Variants in IL20RA observed in about 807,000 individuals in gnomAD.
IL20RA encodes interleukin-20 receptor subunit alpha.
A neutral mutation model predicts 36.5 loss-of-function variants in IL20RA; 29 were observed. The observed-to-expected ratio is 0.79, with a 90% CI of 0.59 to 1.08. The LOEUF (loss-of-function observed/expected upper bound fraction) is 1.08. Among genes scored for constraint, IL20RA ranks in the 50% least tolerant of loss-of-function variants. The probability of loss-of-function intolerance (pLI) is 0.00; values close to 1 mark genes in which losing one functional copy is unlikely to be tolerated. For synonymous variants in IL20RA, 279 were observed against 267.1 expected (o/e 1.04, Z -0.43); for missense variants, 652 against 668.4 (o/e 0.98, Z 0.27).
chr6:137,012,235 G>A (rs868305801), intron 2 of IL20RA, among the ~76,000 whole-genome samples: 2 of 152,156 alleles, frequency 1.3e-5, no homozygotes, highest in Admixed American at 6.5e-5. Flanking sequence ...GATGTAGGTC[G>A]CTTGGACAAG....
intron 1 of IL20RA, among the ~76,000 whole-genome samples, chr6:137,032,371 G>C (rs958809563): frequency 5.3e-5 from 8 of 152,186 alleles, no homozygotes; most frequent in African/African-American, 1.9e-4. Flanking sequence ...CCAGGCAGTG[G>C]TCATCTCTGG....
Position 137,031,442 on chromosome 6 carries a change from A to G in IL20RA, c.88+13199T>C, listed in dbSNP as rs1459189336. ...GCTGGTCCCATAAGATGATGTATAT[A>G]TAAGATGTGTATCTATTTTTAGATA... On this transcript the variant is annotated intron_variant, in intron 1 of 6. Coordinates refer to ENST00000316649, the MANE Select transcript of IL20RA (RefSeq NM_014432.4). Among the ~76,000 whole-genome samples the G allele has an allele frequency of 2.0e-5, 3 of 152,360 alleles. No homozygotes were observed. The East Asian group carries it at 5.8e-4, about 29-fold the overall frequency.
chr6:137,027,674 C>T (rs372469271), intron 1 of IL20RA, among the ~76,000 whole-genome samples: 4 of 152,196 alleles, frequency 2.6e-5, no homozygotes, highest in South Asian at 4.1e-4. Flanking sequence ...GAACAGTGCC[C>T]GGCACAAAGA....
At chr6:137,037,424 C>T (rs1310161949) in intron 1 of IL20RA, among the ~76,000 whole-genome samples, 1 of 152,220 alleles carries the variant, frequency 6.6e-6, no homozygotes, top group African/African-American at 2.4e-5. Context: ...CTATGCCATA[C>T]TTTCATTCCC....
Position 137,037,519 on chromosome 6 carries a change from G to T in IL20RA, c.88+7122C>A, listed in dbSNP as rs571197707. ...ATATGAAATTCTGAGTTTGAATGAG[G>T]GTCTGTGTCTCATAGATGACAACAA... On this transcript the variant is annotated intron_variant, in intron 1 of 6. Coordinates refer to ENST00000316649, the MANE Select transcript of IL20RA (RefSeq NM_014432.4). Among the ~76,000 whole-genome samples the T allele has an allele frequency of 2.0e-5, 3 of 152,228 alleles. No homozygotes were observed. In the East Asian group the frequency reaches 5.8e-4, roughly 29 times the overall value.
chr6:137,036,102 C>A (rs569329035), intron 1 of IL20RA, among the ~76,000 whole-genome samples: 17 of 152,306 alleles, frequency 1.1e-4, no homozygotes, highest in African/African-American at 3.9e-4. Flanking sequence ...TTACGGAAAG[C>A]ACAAGAGAAG....
intron 1 of IL20RA, among the ~76,000 whole-genome samples, chr6:137,034,672 G>C (rs1412589022): frequency 6.6e-6 from 1 of 152,130 alleles, no homozygotes; most frequent in Non-Finnish European, 1.5e-5. Flanking sequence ...CAGGTGCGGT[G>C]GCTCACGCCT....
intron 1 of IL20RA, 67 bp downstream of exon 1, chr6:137,044,574 G>C: frequency 8.3e-7 from 1 of 1,210,290 alleles, no homozygotes; most frequent in Non-Finnish European, 1.0e-6. Context: ...TCGGCCTCGA[G>C]CTCTGCCTGG....
chr6:137,026,720 A>G (rs1035248980), intron 1 of IL20RA, among the ~76,000 whole-genome samples: 1 of 152,188 alleles, frequency 6.6e-6, no homozygotes, highest in Non-Finnish European at 1.5e-5. Flanking sequence ...AACAGGTATG[A>G]CTGCCTTCAC....
At chr6:137,020,741 G>A (rs1775868683) in intron 1 of IL20RA, among the ~76,000 whole-genome samples, 1 of 152,166 alleles carries the variant, frequency 6.6e-6, no homozygotes, top group Non-Finnish European at 1.5e-5. Context: ...AGATTTCAGA[G>A]TAATAAACAT....
chr6:137,019,239 G>T (rs1775818004), intron 1 of IL20RA, among the ~76,000 whole-genome samples: 1 of 151,420 alleles, frequency 6.6e-6, no homozygotes, highest in African/African-American at 2.4e-5. Flanking sequence ...TGATTCTCTT[G>T]CCTCAGCCTC....
chr6:137,030,925 C>A lies in IL20RA; in HGVS notation c.88+13716G>T, dbSNP rs543325773. On this transcript the variant is annotated intron_variant, in intron 1 of 6. Coordinates refer to ENST00000316649, the MANE Select transcript of IL20RA (RefSeq NM_014432.4). Reference sequence around the variant, plus strand: ...CTGGAGTATGCTTTCAGCATCACCTCCCCTTCACCTCCTCCACTATTATGT... The same window carrying A: ...CTGGAGTATGCTTTCAGCATCACCTACCCTTCACCTCCTCCACTATTATGT... Among the ~76,000 whole-genome samples, 8 of 152,268 alleles carry A rather than the reference C, an allele frequency of 5.3e-5. No homozygotes were observed. In the South Asian group the frequency reaches 1.7e-3, roughly 32 times the overall value.
intron 1 of IL20RA, 81 bp downstream of exon 1, chr6:137,044,560 G>T: frequency 8.4e-7 from 1 of 1,194,596 alleles, no homozygotes; most frequent in Non-Finnish European, 1.0e-6. Flanking sequence ...CAGGAGGGGA[G>T]AGCTCGGCCT....
chr6:137,010,264 T>A (rs1197057459), intron 3 of IL20RA, among the ~76,000 whole-genome samples: 1 of 152,246 alleles, frequency 6.6e-6, no homozygotes, highest in Non-Finnish European at 1.5e-5. Context: ...GCAGGCCATA[T>A]GATCTTTGTT....
chr6:137,008,371 G>A (rs1173537542), intron 5 of IL20RA, among the ~76,000 whole-genome samples: 2 of 152,226 alleles, frequency 1.3e-5, no homozygotes, highest in African/African-American at 2.4e-5. Flanking sequence ...AGTGGACACG[G>A]GACCTGTATG....
At chr6:137,003,574 T>C (rs1775158588) in intron 6 of IL20RA, among the ~76,000 whole-genome samples, 1 of 152,224 alleles carries the variant, frequency 6.6e-6, no homozygotes, top group Non-Finnish European at 1.5e-5. Context: ...CCCTAGGTGC[T>C]TTTCTTGTTT....
In IL20RA at chr6:137,044,619, C is replaced by T. The variant is rs921871767; in HGVS notation, c.88+22G>A. On this transcript the variant is annotated intron_variant, in intron 1 of 6. Transcript: ENST00000316649. ...GGCCTGGAGGCATCCCCGACCCGCACCTGGCGGCGCGACCCACCTACCTGC... is the reference window on the plus strand; with the variant it reads ...GGCCTGGAGGCATCCCCGACCCGCATCTGGCGGCGCGACCCACCTACCTGC... The T allele has an allele frequency of 2.5e-6, 3 of 1,220,956 alleles. No individual in the cohort carries two copies. In the African/African-American group the frequency reaches 4.7e-5, roughly 19 times the overall value. 75.6% of individuals were successfully genotyped at this position (1,220,956 alleles called of 1,614,324 possible). A position where few individuals can be genotyped will look rare whatever the true frequency, so the allele number is the denominator to read the frequency against.
intron 1 of IL20RA, among the ~76,000 whole-genome samples, chr6:137,038,634 G>T (rs1003768125): frequency 6.6e-6 from 1 of 152,090 alleles, no homozygotes; most frequent in Non-Finnish European, 1.5e-5. Context: ...AGAACATCAC[G>T]ATGATAGCAA....
In IL20RA at chr6:137,004,159, C is replaced by CGTTTTTTTTTTTTTTTTTTTTT. The variant is rs531501235; in HGVS notation, c.864+461_864+462insAAAAAAAAAAAAAAAAAAAAAC. Among the ~76,000 whole-genome samples, 7 of 88,014 alleles carry CGTTTTTTTTTTTTTTTTTTTTT rather than the reference C, an allele frequency of 8.0e-5. 3 individuals are homozygous for CGTTTTTTTTTTTTTTTTTTTTT. Among genetic ancestry groups the CGTTTTTTTTTTTTTTTTTTTTT allele is most frequent in the African/African-American group, 5.6e-5 (1 of 18,004 alleles). 57.7% of individuals were successfully genotyped at this position (88,014 alleles called of 152,430 possible). On this transcript the variant is annotated intron_variant, in intron 6 of 6. Coordinates refer to ENST00000316649, the MANE Select transcript of IL20RA (RefSeq NM_014432.4). ...TCTGTTAGTCAGCTAATCCAGAAAG[C>CGTTTTTTTTTTTTTTTTTTTTT]TTTTTTTTTTTTTTTTTTTTTTTTT...
Sources: gnomAD v4.1 joint callset for allele counts (sites outside exome capture counted in the v4.1 genomes callset) on GRCh38, gnomAD v4.1.1 for gene constraint, MANE v1.5 for transcripts, NCBI Gene and HGNC (gene_info 2026-07-23, HGNC 2026-07-21) for gene names.